Variants in SAFB observed in about 807,000 individuals in gnomAD.
SAFB encodes the protein scaffold attachment factor B1.
In SAFB, 15 loss-of-function variants were observed where a neutral mutation model predicts 101.6. The ratio of observed to expected loss-of-function variants is 0.15; its 90% CI spans 0.10 to 0.23. The LOEUF (loss-of-function observed/expected upper bound fraction) is 0.23. SAFB is among the 10% of genes least tolerant of loss of function. The pLI is 1.00. For missense variants in SAFB, 930 were observed against 1,104.1 expected (o/e 0.84, Z 2.23); for synonymous variants, 449 against 407.5 (o/e 1.10, Z -1.23).
At chr19:5,654,021 A>G (rs1031287242) in intron 11 of SAFB, 40 bp from the exon 12 acceptor site, 19 of 1,604,952 alleles carry the variant, frequency 1.2e-5, no homozygotes, top group Non-Finnish European at 1.4e-5. Context: ...GAATACAGGC[A>G]TGAGCCACCA....
chr19:5,665,647 C>T (rs2054311807), intron 17 of SAFB: 1 of 152,162 alleles, frequency 6.6e-6, no homozygotes. Flanking sequence ...CAGCTGCTTT[C>T]ATGAAGGTGT....
At chr19:5,631,073 C>G (rs1226039358) in intron 2 of SAFB, among the ~76,000 whole-genome samples, 3 of 151,984 alleles carry the variant, frequency 2.0e-5, no homozygotes, top group Admixed American at 6.6e-5. Flanking sequence ...GCCTGTAATC[C>G]CAGCTACTCG....
At chr19:5,626,218 G>A (rs1486306534) in intron 1 of SAFB, among the ~76,000 whole-genome samples, 187 bp from the exon 2 acceptor site, 1 of 152,178 alleles carries the variant, frequency 6.6e-6, no homozygotes, top group African/African-American at 2.4e-5. Context: ...CTAAGAACTG[G>A]TGGCGTCAGT....
chr19:5,658,639 C>T (rs1049084927), intron 14 of SAFB, among the ~76,000 whole-genome samples: 1 of 149,650 alleles, frequency 6.7e-6, no homozygotes, highest in Non-Finnish European at 1.5e-5. Context: ...GTCAGGAGAT[C>T]GAGACCATCC....
At chr19:5,629,054 C>T (rs1238245924) in intron 2 of SAFB, among the ~76,000 whole-genome samples, 1 of 152,158 alleles carries the variant, frequency 6.6e-6, no homozygotes, top group African/African-American at 2.4e-5. Context: ...ACCTCAGCCC[C>T]ACAAAACGTT....
chr19:5,633,703 C>G (rs1367344387), intron 2 of SAFB, among the ~76,000 whole-genome samples: 1 of 151,576 alleles, frequency 6.6e-6, no homozygotes, highest in Non-Finnish European at 1.5e-5. Context: ...GGCGTGAACC[C>G]GGGAGGTGGA....
At chr19:5,640,559 TA>T (rs139718999) in intron 2 of SAFB, among the ~76,000 whole-genome samples, 7 of 150,654 alleles carry the variant, frequency 4.6e-5, no homozygotes, top group African/African-American at 9.8e-5. Context: ...ATGTATAAGT[TA>T]AAAAAAAACC....
chr19:5,628,257 A>C (rs540220866), intron 2 of SAFB, among the ~76,000 whole-genome samples: 1 of 152,176 alleles, frequency 6.6e-6, no homozygotes, highest in African/African-American at 2.4e-5. Flanking sequence ...CCCCTAAAAA[A>C]AAGAATCAGC....
intron 17 of SAFB, chr19:5,664,764 C>G (rs2054291645): frequency 9.5e-6 from 3 of 314,974 alleles, no homozygotes; most frequent in African/African-American, 2.2e-5. Context: ...TAGTGAGCCG[C>G]ACAGCTGACT....
intron 2 of SAFB, 51 bp downstream of exon 2, chr19:5,626,540 G>A (rs371242420): frequency 1.3e-4 from 135 of 1,059,860 alleles, no homozygotes; most frequent in Middle Eastern, 2.5e-4. Flanking sequence ...TCTTCAAAAC[G>A]AATACATTGC....
rs956652088 is a variant in SAFB at position 5,667,219 on chromosome 19, C to G, written c.2453+55C>G. 3 of 1,284,152 alleles carry G rather than the reference C, an allele frequency of 2.3e-6. No individual in the cohort carries two copies. The highest frequency in any genetic ancestry group is 3.0e-5 in the African/African-American group (2 of 67,222). The allele number at this position is 1,284,152 out of a possible 1,614,324, so 79.5% of individuals were successfully genotyped here. ...CCCCCCCCCCGCCCACAAGGGGGCCCGCAAGTCGCTGGGATGTGGGCACAG... is the reference window on the plus strand; with the variant it reads ...CCCCCCCCCCGCCCACAAGGGGGCCGGCAAGTCGCTGGGATGTGGGCACAG... On this transcript the variant is annotated intron_variant, in intron 18 of 20. Coordinates refer to ENST00000588852, the MANE Select transcript of SAFB (RefSeq NM_001201338.2). The surrounding 1 kb of genome is among the most constrained non-coding windows in gnomAD (Gnocchi z 4.0).
intron 1 of SAFB, among the ~76,000 whole-genome samples, chr19:5,624,222 TC>T (rs1159858452): frequency 6.7e-6 from 1 of 148,214 alleles, no homozygotes; most frequent in African/African-American, 2.5e-5. Flanking sequence ...TCTTTTCTAT[TC>T]TTTTTTTTTT....
At chr19:5,636,159 A>G (rs2053591200) in intron 2 of SAFB, among the ~76,000 whole-genome samples, 1 of 152,074 alleles carries the variant, frequency 6.6e-6, no homozygotes, top group African/African-American at 2.4e-5. Flanking sequence ...AAAAGTGGTC[A>G]TAGAAGTGGA....
Position 5,649,971 on chromosome 19 carries a change from A to G in SAFB, c.1194A>G (p.Glu398=). Residue 398 remains glutamate (E), a synonymous_variant, in exon 8 of 21, where the codon GAA becomes GAG. Coordinates refer to ENST00000588852, the MANE Select transcript of SAFB (RefSeq NM_001201338.2). ...ATACAAAAAGGCTTTCCAAAGAGGA[A>G]AAGGGTAGGTCACCTCGGCGACACC... ...DSDTKRLSKE[E]KGRSSCGRNF... The G allele has an allele frequency of 6.2e-7, 1 of 1,613,756 alleles. No homozygotes were observed. The highest frequency in any genetic ancestry group is 8.5e-7 in the Non-Finnish European group (1 of 1,179,644).
At chr19:5,661,951 C>T (rs1329534193) in intron 15 of SAFB, 143 bp downstream of exon 15, 2 of 656,560 alleles carry the variant, frequency 3.0e-6, no homozygotes, top group Non-Finnish European at 5.1e-6. Context: ...GTGACCCGAT[C>T]TTGGCTCACT....
chr19:5,649,871 A>G, intron 7 of SAFB, 55 bp from the exon 8 acceptor site: 1 of 1,516,284 alleles, frequency 6.6e-7, no homozygotes, highest in Non-Finnish European at 9.2e-7. Context: ...TATGGTTTTG[A>G]GTTTGTTTCC....
At position 5,640,429 on chromosome 19, in the gene SAFB, G is replaced by C. The variant is rs139126792; in HGVS notation, c.275-1165G>C. Among the ~76,000 whole-genome samples, 903 of 126,290 alleles carry C rather than the reference G, an allele frequency of 7.2e-3. 8 individuals carry two copies. The highest frequency in any genetic ancestry group is 0.015 in the Middle Eastern group (3 of 196). The allele number at this position is 126,290 out of a possible 152,430, so 82.9% of individuals were successfully genotyped here. On this transcript the variant is annotated intron_variant, in intron 2 of 20. Coordinates refer to ENST00000588852, the MANE Select transcript of SAFB (RefSeq NM_001201338.2). ...TTGCCAGACTGGAGTGCAGTGGTGT[G>C]ATCTCGGCTAACTGCAACCTCTGCC...
At position 5,649,943 on chromosome 19, in the gene SAFB, C is replaced by T. The variant is rs575162668; in HGVS notation, c.1166C>T (p.Ser389Leu). 9 of 1,613,956 alleles carry T rather than the reference C, an allele frequency of 5.6e-6. No homozygotes were observed. Among genetic ancestry groups the T allele is most frequent in the Admixed American group, 1.7e-5 (1 of 60,016 alleles). Residue 389 changes from serine (S) to leucine (L), a missense_variant, in exon 8 of 21, where the codon TCG (serine) becomes TTG (leucine). This residue lies in a region of SAFB where 68 missense variants were observed against 122.1 expected (regional missense o/e 0.56). Coordinates refer to ENST00000588852, the MANE Select transcript of SAFB (RefSeq NM_001201338.2). ...DQKMSSPEDD[S>L]DTKRLSKEEK... ...GTCTCTAGTTCTCCCGAAGATGACT[C>T]GGATACAAAAAGGCTTTCCAAAGAG...
In SAFB at chr19:5,645,400, G is replaced by A; in HGVS notation, c.609+1G>A. ...ATCATCTGACTTCACTATATTACAG[G>A]TAAACTGTTGTATGTCTCAGTACTT... On this transcript the variant is annotated splice_donor_variant, in intron 5 of 20. Transcript: ENST00000588852. LOFTEE classifies it high-confidence loss of function. 2 of 1,315,092 alleles carry A rather than the reference G, an allele frequency of 1.5e-6. No homozygotes were observed. The highest frequency in any genetic ancestry group is 2.4e-5 in the South Asian group (2 of 83,794). 81.5% of individuals were successfully genotyped at this position (1,315,092 alleles called of 1,614,324 possible).
Sources: allele counts gnomAD v4.1 joint callset (sites outside exome capture counted in the v4.1 genomes callset), GRCh38; gene constraint gnomAD v4.1.1; regional missense constraint gnomAD v4.1.1; non-coding constraint Gnocchi (gnomAD v3.1); transcripts MANE v1.5; gene names NCBI Gene and HGNC (gene_info 2026-07-23, HGNC 2026-07-21).